Variants in EFR3B observed in about 807,000 individuals in gnomAD.
EFR3B encodes EFR3 homolog B, also known as protein EFR3 homolog B.
EFR3B carries 64 observed loss-of-function variants against 104.7 expected under a neutral mutation model. The observed-to-expected ratio is 0.61, with a 90% CI of 0.50 to 0.75. EFR3B has a LOEUF of 0.75. EFR3B is among the 30% of genes least tolerant of loss of function. The pLI is 0.00. For missense variants in EFR3B, 750 were observed against 1,078.5 expected (o/e 0.70, Z 4.27); for synonymous variants, 385 against 417.9 (o/e 0.92, Z 0.96).
At chr2:25,113,949 A>C (rs1051026193) in intron 4 of EFR3B, among the ~76,000 whole-genome samples, 22 of 152,218 alleles carry the variant, frequency 1.4e-4, no homozygotes, top group Admixed American at 1.4e-3. Flanking sequence ...GTCCCAGATC[A>C]CCCTACTAAT....
intron 16 of EFR3B, 83 bp downstream of exon 16, chr2:25,139,273 C>T (rs1471172317): frequency 1.4e-6 from 2 of 1,450,102 alleles, no homozygotes; most frequent in African/African-American, 2.9e-5. Flanking sequence ...TGCATTAGTC[C>T]TGTACCTACA....
chr2:25,065,395 T>C (rs1668307539), intron 1 of EFR3B, among the ~76,000 whole-genome samples: 1 of 148,616 alleles, frequency 6.7e-6, no homozygotes, highest in Admixed American at 6.8e-5. Context: ...CTCACTGCGT[T>C]GCCCAGGATG....
Position 25,131,441 on chromosome 2 carries a change from T to C in EFR3B, c.923T>C (p.Val308Ala). Residue 308 changes from valine (V) to alanine (A), a missense_variant, in exon 9 of 23, where the codon GTG becomes GCG. By Grantham distance (64) the Val-to-Ala change is moderately conservative. Transcript: ENST00000403714. The surrounding 1 kb of genome is among the most constrained non-coding windows in gnomAD (Gnocchi z 7.6). ...LDANSRSAAT[V>A]RAGIVEVLSE... Reference sequence around the variant, plus strand: ...GCCAACAGCCGCAGCGCTGCGACGGTGCGCGCGGGCATCGTGGAAGTCTTG... The same window carrying C: ...GCCAACAGCCGCAGCGCTGCGACGGCGCGCGCGGGCATCGTGGAAGTCTTG... 1.3e-6 allele frequency: 2 copies of C among 1,550,714 alleles called. No individual in the cohort carries two copies. The highest frequency in any genetic ancestry group is 2.4e-5 in the South Asian group (2 of 84,044).
chr2:25,048,239 C>T (rs1201578092), intron 1 of EFR3B, among the ~76,000 whole-genome samples: 1 of 152,146 alleles, frequency 6.6e-6, no homozygotes, highest in East Asian at 1.9e-4. Flanking sequence ...GTCTTGATCT[C>T]CTGGCCTTAA....
chr2:25,105,445 C>G (rs1669537977), intron 4 of EFR3B, among the ~76,000 whole-genome samples: 1 of 152,218 alleles, frequency 6.6e-6, no homozygotes, highest in African/African-American at 2.4e-5. Context: ...GCCACCACGC[C>G]CAGCCCTCAA....
At chr2:25,143,887 C>T (rs772904734) in intron 18 of EFR3B, 25 bp downstream of exon 18, 120 of 1,547,694 alleles carry the variant, frequency 7.8e-5, no homozygotes, top group Non-Finnish European at 9.5e-5. Context: ...CAGGGATGCC[C>T]GGGCCTGCCT....
At chr2:25,076,987 C>T (rs1256433771) in intron 1 of EFR3B, among the ~76,000 whole-genome samples, 1 of 152,170 alleles carries the variant, frequency 6.6e-6, no homozygotes, top group East Asian at 1.9e-4. Flanking sequence ...GCCTCCTTCC[C>T]CAAATTCATT....
intron 1 of EFR3B, among the ~76,000 whole-genome samples, chr2:25,052,696 G>T (rs903398746): frequency 1.3e-5 from 2 of 151,702 alleles, no homozygotes; most frequent in African/African-American, 2.4e-5. Context: ...GTCGAGACGG[G>T]GTTTAACCAT....
chr2:25,048,838 C>T (rs1009040454), intron 1 of EFR3B, among the ~76,000 whole-genome samples: 2 of 152,180 alleles, frequency 1.3e-5, no homozygotes, highest in African/African-American at 4.8e-5. Flanking sequence ...AGTGGTCCCC[C>T]GGGCCCAGGT....
At chr2:25,090,237 C>T (rs1669074087) in intron 1 of EFR3B, among the ~76,000 whole-genome samples, 1 of 152,216 alleles carries the variant, frequency 6.6e-6, no homozygotes, top group South Asian at 2.1e-4. Context: ...TGGACTTTCC[C>T]AGGCCCCCCG....
Position 25,155,691 on chromosome 2 carries a change from T to A in EFR3B, c.*1351T>A, listed in dbSNP as rs1671146763. 6.6e-6 allele frequency: 1 copy of A among 152,202 alleles called. No individual in the cohort carries two copies. Among genetic ancestry groups the A allele is most frequent in the Admixed American group, 6.5e-5 (1 of 15,276 alleles). The allele number at this position is 152,202 out of a possible 1,614,324, so 9.4% of individuals were successfully genotyped here. A position where few individuals can be genotyped will look rare whatever the true frequency, so the allele number is the denominator to read the frequency against. On this transcript the variant is annotated 3_prime_UTR_variant, in exon 23 of 23. Coordinates refer to ENST00000403714, the MANE Select transcript of EFR3B (RefSeq NM_014971.2). Reference sequence around the variant, plus strand: ...GGGCTCCTCCCATGGCAGTGCCATGTGGTCCAAAATTGCCCTTTCCTTCTC... The same window carrying A: ...GGGCTCCTCCCATGGCAGTGCCATGAGGTCCAAAATTGCCCTTTCCTTCTC...
rs1370713748 is a variant in EFR3B at position 25,042,699 on chromosome 2, G to A, written c.7+380G>A. ...CCTGGGAGTTTTCTGTGGGAAGCCGGTCCAGGGCTGAGGGAGACGCCCGCG... is the reference window on the plus strand; with the variant it reads ...CCTGGGAGTTTTCTGTGGGAAGCCGATCCAGGGCTGAGGGAGACGCCCGCG... On this transcript the variant is annotated intron_variant, in intron 1 of 22. Transcript: ENST00000403714. This position sits in a 1 kb window ranked among gnomAD's most constrained non-coding sequence, Gnocchi z 5.4. 3.0e-6 allele frequency: 3 copies of A among 1,001,652 alleles called. No individual in the cohort carries two copies. The highest frequency in any genetic ancestry group is 3.5e-5 in the African/African-American group (2 of 57,798). The allele number at this position is 1,001,652 out of a possible 1,614,324, so 62.0% of individuals were successfully genotyped here. A position where few individuals can be genotyped will look rare whatever the true frequency, so the allele number is the denominator to read the frequency against.
Position 25,133,138 on chromosome 2 carries a change from C to G in EFR3B, c.1259+124C>G, listed in dbSNP as rs1573227575. ...CTGCTCTCTTTTTACTCCCAAATCCCTCAGCAGCCTTTAATGGGGCTCTTG... is the reference window on the plus strand; with the variant it reads ...CTGCTCTCTTTTTACTCCCAAATCCGTCAGCAGCCTTTAATGGGGCTCTTG... On this transcript the variant is annotated intron_variant, in intron 11 of 22. Coordinates refer to ENST00000403714, the MANE Select transcript of EFR3B (RefSeq NM_014971.2). The G allele has an allele frequency of 6.1e-6, 6 of 981,908 alleles. No individual in the cohort carries two copies. The South Asian group carries it at 9.4e-5, about 15-fold the overall frequency. 60.8% of individuals were successfully genotyped at this position (981,908 alleles called of 1,614,324 possible).
chr2:25,130,121 C>T lies in EFR3B; in HGVS notation c.770+12C>T, dbSNP rs777447383. 1.9e-6 allele frequency: 3 copies of T among 1,551,784 alleles called. No individual in the cohort carries two copies. Among genetic ancestry groups the T allele is most frequent in the African/African-American group, 2.7e-5 (2 of 73,070 alleles). ...AAGCCTGTTCTCATGTGAGTGCCCC[C>T]ACCCACTGCCTTGGCCCCAGCCTTC... is the stretch of plus-strand genomic sequence containing the variant. On this transcript the variant is annotated intron_variant, in intron 7 of 22. Coordinates refer to ENST00000403714, the MANE Select transcript of EFR3B (RefSeq NM_014971.2). The surrounding 1 kb of genome is among the most constrained non-coding windows in gnomAD (Gnocchi z 4.6).
At chr2:25,046,795 G>A (rs776664185) in intron 1 of EFR3B, among the ~76,000 whole-genome samples, 2 of 152,124 alleles carry the variant, frequency 1.3e-5, no homozygotes, top group Non-Finnish European at 2.9e-5. Context: ...GAGCCACCGC[G>A]CCCGGCCGAA....
At chr2:25,110,260 C>G (rs1669688478) in intron 4 of EFR3B, among the ~76,000 whole-genome samples, 1 of 152,156 alleles carries the variant, frequency 6.6e-6, no homozygotes, top group Non-Finnish European at 1.5e-5. Context: ...TGCACAGCCA[C>G]CCGGCCTTCT....
At chr2:25,051,883 G>A (rs1045391939) in intron 1 of EFR3B, among the ~76,000 whole-genome samples, 3 of 149,848 alleles carry the variant, frequency 2.0e-5, no homozygotes, top group Non-Finnish European at 4.5e-5. Flanking sequence ...CAGGTGATCC[G>A]CCCACCTCGG....
In EFR3B at chr2:25,136,231, T is replaced by C. The variant is rs183005785; in HGVS notation, c.1485-292T>C. On this transcript the variant is annotated intron_variant, in intron 13 of 22. Transcript: ENST00000403714. This position sits in a 1 kb window ranked among gnomAD's most constrained non-coding sequence, Gnocchi z 4.0. ...TCTTTGGGAGGCTGAGTTGGGAGGA[T>C]TGCTTGAGCCCTGGAGGTTAAGGCT... 2.3e-4 allele frequency among the ~76,000 whole-genome samples: 35 copies of C among 152,030 alleles called. No individual in the cohort carries two copies. The East Asian group carries it at 6.0e-3, about 26-fold the overall frequency.
At chr2:25,070,636 G>A (rs1350888566) in intron 1 of EFR3B, among the ~76,000 whole-genome samples, 1 of 152,202 alleles carries the variant, frequency 6.6e-6, no homozygotes. Context: ...GAGGAAAGCA[G>A]TGAACAGCAG....
Sources: gnomAD v4.1 joint callset for allele counts (sites outside exome capture counted in the v4.1 genomes callset) on GRCh38, gnomAD v4.1.1 for gene constraint, Gnocchi (gnomAD v3.1) non-coding constraint, MANE v1.5 for transcripts, NCBI Gene and HGNC (gene_info 2026-07-23, HGNC 2026-07-21) for gene names.